Variants in CTNND2 observed in about 807,000 individuals in gnomAD.
CTNND2 encodes the protein catenin delta 2, also known as catenin delta-2.
In CTNND2, 22 loss-of-function variants were observed where a neutral mutation model predicts 144.4. The observed-to-expected ratio is 0.15, with a 90% confidence interval of 0.11 to 0.22. The LOEUF is 0.22. Among genes scored for constraint, CTNND2 ranks in the 10% least tolerant of loss-of-function variants. The probability of loss-of-function intolerance (pLI) is 1.00; values close to 1 mark genes in which losing one functional copy is unlikely to be tolerated. For missense variants in CTNND2, 1,353 were observed against 1,618.8 expected (o/e 0.84, Z 2.82); for synonymous variants, 751 against 695.6 (o/e 1.08, Z -1.25).
Position 11,904,144 on chromosome 5 carries a change from G to A in CTNND2, c.-291C>T, listed in dbSNP as rs895127195. On this transcript the variant is annotated 5_prime_UTR_variant, in exon 1 of 22. Transcript: ENST00000304623. The surrounding 1 kb of genome is among the most constrained non-coding windows in gnomAD (Gnocchi z 4.2). ...CACGGGCTCCTGCGGGCTCCTCGGG[G>A]CTCCGGGCGCCGCCGCCAGCCGGCC... The A allele has an allele frequency of 6.8e-6, 1 of 147,040 alleles. No homozygotes were observed. The highest frequency in any genetic ancestry group is 2.5e-5 in the African/African-American group (1 of 40,742). 9.1% of individuals were successfully genotyped at this position (147,040 alleles called of 1,614,324 possible). A position where few individuals can be genotyped will look rare whatever the true frequency, so the allele number is the denominator to read the frequency against.
intron 1 of CTNND2, among the ~76,000 whole-genome samples, chr5:11,875,305 C>T (rs2127059626): frequency 6.6e-6 from 1 of 152,276 alleles, no homozygotes. Context: ...ACCCCTAATT[C>T]ACTATTGAAT....
chr5:11,822,831 G>A lies in CTNND2; in HGVS notation c.37+80986C>T, dbSNP rs373755368. 2.6e-5 allele frequency among the ~76,000 whole-genome samples: 4 copies of A among 152,202 alleles called. No individual in the cohort carries two copies. In the East Asian group the frequency reaches 5.8e-4, roughly 22 times the overall value. On this transcript the variant is annotated intron_variant, in intron 1 of 21. Coordinates refer to ENST00000304623, the MANE Select transcript of CTNND2 (RefSeq NM_001332.4). ...AGAATGGAAGTGGATCCTTCCCTAC[G>A]CATGTTTTCAGATGAGACTGTAGAT...
At chr5:11,465,516 A>G (rs576997395) in intron 3 of CTNND2, among the ~76,000 whole-genome samples, 2 of 152,336 alleles carry the variant, frequency 1.3e-5, no homozygotes, top group South Asian at 4.1e-4. Context: ...GCAGACAAAC[A>G]AAAGTGACAC....
intron 11 of CTNND2, among the ~76,000 whole-genome samples, chr5:11,191,733 C>T (rs1478973053): frequency 1.3e-5 from 2 of 152,204 alleles, no homozygotes; most frequent in African/African-American, 4.8e-5. Context: ...CTTTCCACTT[C>T]CCTAGGTCCT....
chr5:11,305,648 G>A (rs1400405636), intron 9 of CTNND2, among the ~76,000 whole-genome samples: 2 of 152,154 alleles, frequency 1.3e-5, no homozygotes, highest in Admixed American at 1.3e-4. Context: ...GCTGCTACGG[G>A]AAATAAAAAA....
chr5:11,623,151 T>C (rs1164339835), intron 2 of CTNND2, among the ~76,000 whole-genome samples: 3 of 152,160 alleles, frequency 2.0e-5, no homozygotes, highest in Non-Finnish European at 4.4e-5. Flanking sequence ...CTCTTTATTT[T>C]AGAGGAAAAA....
At chr5:10,981,535 A>C (rs1737247819) in intron 21 of CTNND2, among the ~76,000 whole-genome samples, 2 of 152,156 alleles carry the variant, frequency 1.3e-5, no homozygotes, top group Middle Eastern at 3.2e-3. Context: ...CACCAGATCA[A>C]GCATGAGGTT....
At chr5:11,440,754 T>C (rs1764189676) in intron 3 of CTNND2, among the ~76,000 whole-genome samples, 1 of 152,202 alleles carries the variant, frequency 6.6e-6, no homozygotes, top group South Asian at 2.1e-4. Flanking sequence ...TAGTTTTATG[T>C]TGGAAAAATC....
Position 11,343,223 on chromosome 5 carries a change from T to A in CTNND2, c.1628+3149A>T, listed in dbSNP as rs564404913. Among the ~76,000 whole-genome samples the A allele has an allele frequency of 2.6e-5, 4 of 152,274 alleles. 1 individual carries two copies. Among genetic ancestry groups the A allele is most frequent in the African/African-American group, 9.6e-5 (4 of 41,554 alleles). ...TCCTATGACTTAGAGTCACAGAAAG[T>A]CAATATGGCTTCTCTGGTTTCAAGT... On this transcript the variant is annotated intron_variant, in intron 9 of 21. Coordinates refer to ENST00000304623, the MANE Select transcript of CTNND2 (RefSeq NM_001332.4).
intron 2 of CTNND2, among the ~76,000 whole-genome samples, chr5:11,676,850 T>C (rs112474140): frequency 0.024 from 3,618 of 152,280 alleles, 44 homozygotes; most frequent in East Asian, 0.057. Context: ...ATCTATGACT[T>C]CCATTAATAT....
At chr5:11,655,208 C>T (rs1431251488) in intron 2 of CTNND2, among the ~76,000 whole-genome samples, 4 of 151,646 alleles carry the variant, frequency 2.6e-5, no homozygotes, top group Non-Finnish European at 5.9e-5. Flanking sequence ...GTTGTCCATA[C>T]TGAACCTTAG....
chr5:11,887,191 G>T (rs1488842121), intron 1 of CTNND2, among the ~76,000 whole-genome samples: 2 of 151,776 alleles, frequency 1.3e-5, no homozygotes, highest in Admixed American at 6.6e-5. Flanking sequence ...AACCATGTTA[G>T]CCAGAATGGT....
chr5:11,784,254 G>A (rs1480494474), intron 1 of CTNND2, among the ~76,000 whole-genome samples: 1 of 152,170 alleles, frequency 6.6e-6, no homozygotes, highest in Non-Finnish European at 1.5e-5. Context: ...AATGGACAAT[G>A]GGAAAATATA....
rs574584602 is a variant in CTNND2 at position 11,800,857 on chromosome 5, C to G, written c.38-68585G>C. 6.8e-4 allele frequency among the ~76,000 whole-genome samples: 103 copies of G among 152,162 alleles called. 2 individuals are homozygous for G. In the South Asian group the frequency reaches 0.021, roughly 31 times the overall value. ...TACTTTATAAGTCTTATTTATAAAT[C>G]ACAAAATACATTTTAGAATTCCCTT... is the stretch of plus-strand genomic sequence containing the variant. On this transcript the variant is annotated intron_variant, in intron 1 of 21. Transcript: ENST00000304623.
At chr5:11,783,571 G>A (rs1790668282) in intron 1 of CTNND2, among the ~76,000 whole-genome samples, 1 of 152,072 alleles carries the variant, frequency 6.6e-6, no homozygotes, top group African/African-American at 2.4e-5. Flanking sequence ...ATGGTTTTTA[G>A]GTATAGAGCA....
chr5:11,419,027 T>C (rs1762133926), intron 3 of CTNND2, among the ~76,000 whole-genome samples: 2 of 140,730 alleles, frequency 1.4e-5, no homozygotes, highest in Non-Finnish European at 1.5e-5. Flanking sequence ...GATGTCTATC[T>C]ATATATAGAT....
Position 11,296,982 on chromosome 5 carries a change from A to AT in CTNND2, c.1628+49389dup, listed in dbSNP as rs544859210. Among the ~76,000 whole-genome samples, 308 of 152,356 alleles carry AT rather than the reference A, an allele frequency of 2.0e-3. 1 individual carries two copies. Among genetic ancestry groups the AT allele is most frequent in the Non-Finnish European group, 3.9e-3 (262 of 68,040 alleles). On this transcript the variant is annotated intron_variant, in intron 9 of 21. Coordinates refer to ENST00000304623, the MANE Select transcript of CTNND2 (RefSeq NM_001332.4). The stretch of plus-strand genomic sequence containing the variant: ...CATGTACCCTAAAACTTAAAGTATA[A>AT]TAAAAAAAAGAAAGTTTCTCAGTAC...
At chr5:11,805,364 C>G (rs1302466488) in intron 1 of CTNND2, among the ~76,000 whole-genome samples, 2 of 152,054 alleles carry the variant, frequency 1.3e-5, no homozygotes, top group African/African-American at 4.8e-5. Context: ...AAGGACACTC[C>G]ACTAGCAACA....
chr5:11,641,739 C>T (rs1357153023), intron 2 of CTNND2, among the ~76,000 whole-genome samples: 1 of 20,444 alleles, frequency 4.9e-5, no homozygotes, highest in Non-Finnish European at 6.0e-4. Flanking sequence ...TGTGTATATA[C>T]ATATACGTGT....
Sources: gnomAD v4.1 joint callset for allele counts (sites outside exome capture counted in the v4.1 genomes callset) on GRCh38, gnomAD v4.1.1 for gene constraint, Gnocchi (gnomAD v3.1) non-coding constraint, MANE v1.5 for transcripts, NCBI Gene and HGNC (gene_info 2026-07-23, HGNC 2026-07-21) for gene names.